Variants in ASPG observed in about 807,000 individuals in gnomAD.
ASPG encodes 60 kDa lysophospholipase.
ASPG carries 53 observed loss-of-function variants against 63.2 expected under a neutral mutation model. The ratio of observed to expected loss-of-function variants is 0.84; its 90% CI spans 0.67 to 1.05. The LOEUF is 1.05. Among genes scored for constraint, ASPG ranks in the 50% least tolerant of loss-of-function variants. The pLI, the probability that ASPG is intolerant of heterozygous loss-of-function variation, is 0.00. For synonymous variants in ASPG, 370 were observed against 355.0 expected, an observed-to-expected ratio of 1.04 and a Z score of -0.48; for missense variants, 741 against 794.4, an observed-to-expected ratio of 0.93 and a Z score of 0.81.
In ASPG at chr14:104,092,709, C is replaced by A; in HGVS notation, c.159C>A (p.Ala53=). Residue 53 remains alanine (A), a synonymous_variant, in exon 2 of 16, where the codon GCC becomes GCA. Coordinates refer to ENST00000551177, the MANE Select transcript of ASPG (RefSeq NM_001080464.3). ...PMFHDEEHAR[A]RGLSEDTLVL... ...TCCATGACGAGGAGCACGCCCGAGC[C>A]CGCGGCCTCTCTGAGGACACCCTGG... 1 of 1,537,244 alleles carries A rather than the reference C, an allele frequency of 6.5e-7. No individual in the cohort carries two copies.
chr14:104,103,766 C>A, intron 7 of ASPG, 91 bp downstream of exon 7: 1 of 1,127,448 alleles, frequency 8.9e-7, no homozygotes, highest in Non-Finnish European at 1.3e-6. Flanking sequence ...GGGCCCTCAC[C>A]AGCCAGTGCA....
intron 5 of ASPG, 131 bp downstream of exon 5, chr14:104,097,768 G>C: frequency 5.1e-6 from 4 of 777,902 alleles, no homozygotes; most frequent in Non-Finnish European, 8.3e-6. Context: ...CTGTCTTCTA[G>C]ATCTTATGTT....
At chr14:104,101,979 G>T (rs536398047) in intron 6 of ASPG, among the ~76,000 whole-genome samples, 1 of 152,194 alleles carries the variant, frequency 6.6e-6, no homozygotes, top group South Asian at 2.1e-4. Context: ...CTGGCCTCTA[G>T]CAGGCCTGGG....
intron 13 of ASPG, 72 bp from the exon 14 acceptor site, chr14:104,111,430 G>A: frequency 7.4e-7 from 1 of 1,345,040 alleles, no homozygotes; most frequent in African/African-American, 1.5e-5. Context: ...GGCCACCTGG[G>A]GGACAGGCAC....
At chr14:104,088,399 G>A (rs1420029533) in intron 1 of ASPG, among the ~76,000 whole-genome samples, 3 of 152,154 alleles carry the variant, frequency 2.0e-5, no homozygotes, top group Admixed American at 6.5e-5. Flanking sequence ...ACAGGTCAAG[G>A]GGCATAGCGA....
rs532981359 is a variant in ASPG at position 104,085,780 on chromosome 14, G to C, written c.10G>C (p.Ala4Pro). 1.1e-5 allele frequency: 17 copies of C among 1,583,340 alleles called. No individual in the cohort carries two copies. The South Asian group carries it at 1.6e-4, about 15-fold the overall frequency. MAR[A>P]VGPERRLLAV... ...TGGTCCCCGGTCCGGCATGGCGCGC[G>C]CGGTGGGGCCCGAGCGGAGGCTGCT... Residue 4 changes from alanine to proline, a missense_variant, in exon 1 of 16, where the codon GCG becomes CCG. Ala to Pro is a conservative substitution (Grantham distance 27, BLOSUM62 -1). Transcript: ENST00000551177.
intron 7 of ASPG, 27 bp from the exon 8 acceptor site, chr14:104,104,273 ACCAT>A: frequency 1.3e-6 from 2 of 1,592,964 alleles, no homozygotes; most frequent in Admixed American, 1.7e-5. Flanking sequence ...AGAGACCCTC[ACCAT>A]CCAGCCCCCA....
Position 104,104,400 on chromosome 14 carries a change from C to T in ASPG, c.850C>T (p.Arg284Trp), listed in dbSNP as rs530990214. Residue 284 changes from arginine to tryptophan, a missense_variant, in exon 8 of 16, where the codon CGG (arginine) becomes TGG (tryptophan). By Grantham distance (101) the Arg-to-Trp change is moderately radical. Transcript: ENST00000551177. ...PTKPDLLQEL[R>W]VATERGLVIV... is the part of the protein sequence containing the mutation. ...CAAGCCCGACCTGCTGCAGGAGCTG[C>T]GGGTGGCCACCGAGCGCGGCCTGGT... 1.4e-5 allele frequency: 22 copies of T among 1,612,616 alleles called. No homozygotes were observed. Among genetic ancestry groups the T allele is most frequent in the East Asian group, 8.9e-5 (4 of 44,878 alleles).
intron 4 of ASPG, 115 bp from the exon 5 acceptor site, chr14:104,097,439 C>T: frequency 1.9e-6 from 2 of 1,062,098 alleles, no homozygotes; most frequent in South Asian, 1.7e-5. Context: ...CTTCTCTTTC[C>T]CACACCCGCC....
chr14:104,111,470 C>T (rs1303330794), intron 13 of ASPG, 32 bp from the exon 14 acceptor site: 2 of 1,520,014 alleles, frequency 1.3e-6, no homozygotes. Context: ...CCCAGCAGGC[C>T]CCAACAACTC....
Position 104,112,586 on chromosome 14 carries a change from C to CA in ASPG, c.*43dup, listed in dbSNP as rs1311189506. On this transcript the variant is annotated 3_prime_UTR_variant, in exon 16 of 16. Coordinates refer to ENST00000551177, the MANE Select transcript of ASPG (RefSeq NM_001080464.3). ...TGCAGTATAAGCCATTCCTTCCTCC[C>CA]ATGACCTGCTGGAGGGGTCTCAGGC... is the stretch of plus-strand genomic sequence containing the variant. 3.7e-6 allele frequency: 6 copies of CA among 1,604,828 alleles called. No homozygotes were observed. The African/African-American group carries it at 8.0e-5, about 21-fold the overall frequency.
Position 104,103,684 on chromosome 14 carries a change from C to A in ASPG, c.753+9C>A. On this transcript the variant is annotated intron_variant, in intron 7 of 15. Transcript: ENST00000551177. ...GGATCCCTGCCGCCCTGGTAGGGACCGCCCCGGCCATCCTGCCCCTGCAGC... is the reference window on the plus strand; with the variant it reads ...GGATCCCTGCCGCCCTGGTAGGGACAGCCCCGGCCATCCTGCCCCTGCAGC... 2 of 1,545,522 alleles carry A rather than the reference C, an allele frequency of 1.3e-6. No homozygotes were observed. The highest frequency in any genetic ancestry group is 1.7e-6 in the Non-Finnish European group (2 of 1,145,232).
chr14:104,104,111 A>G (rs1316220987), intron 7 of ASPG, among the ~76,000 whole-genome samples, 193 bp from the exon 8 acceptor site: 2 of 152,172 alleles, frequency 1.3e-5, no homozygotes, highest in Admixed American at 6.5e-5. Context: ...CTTTGGGAGA[A>G]TGTGGGGGGA....
chr14:104,112,873 C>A lies in ASPG; in HGVS notation c.*329C>A, dbSNP rs1771010. 11 of 406,410 alleles carry A rather than the reference C, an allele frequency of 2.7e-5. No individual in the cohort carries two copies. The highest frequency in any genetic ancestry group is 3.2e-5 in the Non-Finnish European group (7 of 219,186). 25.2% of individuals were successfully genotyped at this position (406,410 alleles called of 1,614,324 possible). On this transcript the variant is annotated 3_prime_UTR_variant, in exon 16 of 16. Transcript: ENST00000551177. The stretch of plus-strand genomic sequence containing the variant: ...AGCTGGGCAGGGTGGGGTGCATGGA[C>A]GTGACTTGGCCAAGTGGTCCTTTCC...
At position 104,104,702 on chromosome 14, in the gene ASPG, C is replaced by T. The variant is rs554414556; in HGVS notation, c.1017C>T (p.Gly339=). Residue 339 remains glycine, a synonymous_variant, in exon 9 of 16, where the codon GGC becomes GGT. Coordinates refer to ENST00000551177, the MANE Select transcript of ASPG (RefSeq NM_001080464.3). The stretch of plus-strand genomic sequence containing the variant: ...TGGCCAAGCTATCGTATGTGCTGGG[C>T]CAGCCAGGGCTGAGCCTGGATGTCA... The part of the protein sequence containing the change: ...AALAKLSYVL[G]QPGLSLDVRK... 72 of 1,607,592 alleles carry T rather than the reference C, an allele frequency of 4.5e-5. No homozygotes were observed. The East Asian group carries it at 1.6e-3, about 35-fold the overall frequency.
intron 10 of ASPG, among the ~76,000 whole-genome samples, chr14:104,106,278 G>A (rs1336281847): frequency 6.6e-6 from 1 of 152,218 alleles, no homozygotes; most frequent in Non-Finnish European, 1.5e-5. Flanking sequence ...TGCCAGGACC[G>A]CTGGGTGTGG....
At chr14:104,089,463 G>A (rs1025288170) in intron 1 of ASPG, among the ~76,000 whole-genome samples, 1 of 152,072 alleles carries the variant, frequency 6.6e-6, no homozygotes, top group African/African-American at 2.4e-5. Context: ...AGGTTGCAGT[G>A]AGCCGAGATC....
rs754415 is a variant in ASPG, at chr14:104,091,982, T to C, written c.83-651T>C. Reference sequence around the variant, plus strand: ...CAGAGGCTGCAGGAAGGTGGCAGAGTTGCTGGGGGTGGGACCAGCCCGTCT... The same window carrying C: ...CAGAGGCTGCAGGAAGGTGGCAGAGCTGCTGGGGGTGGGACCAGCCCGTCT... On this transcript the variant is annotated intron_variant, in intron 1 of 15. Coordinates refer to ENST00000551177, the MANE Select transcript of ASPG (RefSeq NM_001080464.3). The surrounding 1 kb of genome is among the most constrained non-coding windows in gnomAD (Gnocchi z 6.4). Among the ~76,000 whole-genome samples, 46,386 of 151,684 alleles carry C rather than the reference T, an allele frequency of 0.31. 9,646 individuals carry two copies. The highest frequency in any genetic ancestry group is 0.58 in the African/African-American group (24,078 of 41,312).
chr14:104,098,050 CGTTAGAGATGCGTATGGAGGTTT>C (rs2036695952), intron 5 of ASPG, among the ~76,000 whole-genome samples: 3 of 82,570 alleles, frequency 3.6e-5, no homozygotes, highest in South Asian at 4.2e-4. Flanking sequence ...GGAGGTTTTG[CGTTAGAGATGCGTATGGAGGTTT>C]TGCGTTAGAG....
Sources: allele counts gnomAD v4.1 joint callset (sites outside exome capture counted in the v4.1 genomes callset), GRCh38; gene constraint gnomAD v4.1.1; non-coding constraint Gnocchi (gnomAD v3.1); transcripts MANE v1.5; gene names NCBI Gene and HGNC (gene_info 2026-07-23, HGNC 2026-07-21).